NR2C2: variants seen among roughly 807,000 people sequenced by gnomAD.
The protein encoded by NR2C2 is nuclear receptor subfamily 2 group C member 2.
Under a neutral mutation model 62.9 loss-of-function variants are expected in NR2C2, and 6 were observed. The observed-to-expected ratio is 0.10, with a 90% confidence interval of 0.05 to 0.19. The LOEUF (loss-of-function observed/expected upper bound fraction) is 0.19. Among genes scored for constraint, NR2C2 ranks in the 10% least tolerant of loss-of-function variants. NR2C2 has a pLI of 1.00. For missense variants in NR2C2, 479 were observed against 762.7 expected (o/e 0.63, Z 4.38); for synonymous variants, 272 against 273.8 (o/e 0.99, Z 0.07).
chr3:15,002,000 T>A (rs1050088373), intron 1 of NR2C2, among the ~76,000 whole-genome samples: 1 of 152,174 alleles, frequency 6.6e-6, no homozygotes, highest in Non-Finnish European at 1.5e-5. Flanking sequence ...TTCTGTGGGA[T>A]TTTTTTCTAT....
At chr3:15,031,022 A>G (rs1301900715) in intron 9 of NR2C2, among the ~76,000 whole-genome samples, 1 of 152,178 alleles carries the variant, frequency 6.6e-6, no homozygotes, top group East Asian at 1.9e-4. Context: ...ATCATTACTA[A>G]GACAGGCTGA....
intron 1 of NR2C2, among the ~76,000 whole-genome samples, chr3:14,958,416 T>C (rs1265000397): frequency 6.6e-6 from 1 of 151,408 alleles, no homozygotes; most frequent in African/African-American, 2.4e-5. Flanking sequence ...CTAAACATTA[T>C]TGTGGGGGTG....
chr3:14,955,138 G>T (rs1290144119), intron 1 of NR2C2, among the ~76,000 whole-genome samples: 1 of 152,008 alleles, frequency 6.6e-6, no homozygotes, highest in African/African-American at 2.4e-5. Context: ...GCTGGTTTGT[G>T]CCCTTTTGTA....
At chr3:15,000,259 C>T (rs898887208) in intron 1 of NR2C2, among the ~76,000 whole-genome samples, 1 of 152,108 alleles carries the variant, frequency 6.6e-6, no homozygotes, top group Admixed American at 6.6e-5. Flanking sequence ...TAAGTAAGAA[C>T]ATGTGGTATT....
intron 1 of NR2C2, among the ~76,000 whole-genome samples, chr3:14,980,680 A>G (rs1231111121): frequency 2.0e-5 from 3 of 152,244 alleles, no homozygotes; most frequent in Non-Finnish European, 4.4e-5. Flanking sequence ...TTCCTAATAA[A>G]CAGAGTAAAT....
chr3:14,954,518 C>A (rs572039343), intron 1 of NR2C2, among the ~76,000 whole-genome samples: 179 of 152,232 alleles, frequency 1.2e-3, no homozygotes, highest in Non-Finnish European at 2.0e-3. Flanking sequence ...ATAAATTGGG[C>A]ATAGTCGTAC....
At chr3:14,958,298 G>A (rs1218837591) in intron 1 of NR2C2, among the ~76,000 whole-genome samples, 1 of 151,866 alleles carries the variant, frequency 6.6e-6, no homozygotes, top group Non-Finnish European at 1.5e-5. Flanking sequence ...GAGGTGGTTG[G>A]ACTTGATTAG....
chr3:14,964,127 G>A (rs1329272664), intron 1 of NR2C2, among the ~76,000 whole-genome samples: 1 of 152,102 alleles, frequency 6.6e-6, no homozygotes, highest in African/African-American at 2.4e-5. Context: ...AACAAAACCA[G>A]TTTTACCCTA....
intron 1 of NR2C2, among the ~76,000 whole-genome samples, chr3:14,978,122 T>C (rs2040260581): frequency 6.6e-6 from 1 of 152,146 alleles, no homozygotes; most frequent in South Asian, 2.1e-4. Flanking sequence ...TTTTTGTACA[T>C]GTGTAAGCCT....
Position 15,003,859 on chromosome 3 carries a change from C to G in NR2C2, c.-39-17C>G. 6.4e-7 allele frequency: 1 copy of G among 1,554,990 alleles called. No homozygotes were observed. The highest frequency in any genetic ancestry group is 8.9e-7 in the Non-Finnish European group (1 of 1,126,808). On this transcript the variant is annotated splice_polypyrimidine_tract_variant and intron_variant, in intron 1 of 13. Coordinates refer to ENST00000425241, the MANE Select transcript of NR2C2 (RefSeq NM_001291694.2). ...ATTCTGAACCCCCTTGTGATCCAGCCCACTTCTCACCCACAGGTAACACGT... is the reference window on the plus strand; with the variant it reads ...ATTCTGAACCCCCTTGTGATCCAGCGCACTTCTCACCCACAGGTAACACGT...
At chr3:15,032,875 T>C (rs2042014858) in intron 10 of NR2C2, among the ~76,000 whole-genome samples, 1 of 152,172 alleles carries the variant, frequency 6.6e-6, no homozygotes, top group South Asian at 2.1e-4. Flanking sequence ...ATCAGCTGTT[T>C]CCTCAAACAT....
chr3:15,016,185 C>T lies in NR2C2; in HGVS notation c.307C>T (p.Leu103=), dbSNP rs2041507004. Residue 103 remains leucine (L), a synonymous_variant, in exon 4 of 14, where the codon CTG becomes TTG. Coordinates refer to ENST00000425241, the MANE Select transcript of NR2C2 (RefSeq NM_001291694.2). ...GGATTCTGCCTCTGTGGAGCGTTTA[C>T]TGGGGAAGACGGACGTCCAGCGGCC... ...VTDSASVERL[L]GKTDVQRPQV... is the part of the protein sequence containing the mutation. 3 of 1,614,088 alleles carry T rather than the reference C, an allele frequency of 1.9e-6. No homozygotes were observed. Among genetic ancestry groups the T allele is most frequent in the Non-Finnish European group, 2.5e-6 (3 of 1,179,988 alleles).
intron 11 of NR2C2, among the ~76,000 whole-genome samples, chr3:15,035,294 G>C (rs77833679): frequency 0.07 from 10,657 of 152,230 alleles, 497 homozygotes; most frequent in Admixed American, 0.099. Context: ...CCATCTCAAT[G>C]AATGAATGAA....
intron 1 of NR2C2, among the ~76,000 whole-genome samples, chr3:14,965,128 C>A (rs558170326): frequency 6.6e-6 from 1 of 152,126 alleles, no homozygotes; most frequent in Non-Finnish European, 1.5e-5. Context: ...ACAGTGGCCC[C>A]GGCCTGGAAT....
chr3:14,991,444 G>T (rs1218342174), intron 1 of NR2C2, among the ~76,000 whole-genome samples: 1 of 152,122 alleles, frequency 6.6e-6, no homozygotes, highest in Non-Finnish European at 1.5e-5. Context: ...ACTAAAGGAG[G>T]GTATGTGGTA....
At chr3:14,989,249 G>A (rs1473779350) in intron 1 of NR2C2, among the ~76,000 whole-genome samples, 1 of 152,132 alleles carries the variant, frequency 6.6e-6, no homozygotes, top group African/African-American at 2.4e-5. Flanking sequence ...GGGACTTAGA[G>A]TTGAAGTCAT....
chr3:14,976,035 A>G (rs2040194154), intron 1 of NR2C2, among the ~76,000 whole-genome samples: 1 of 152,038 alleles, frequency 6.6e-6, no homozygotes, highest in South Asian at 2.1e-4. Context: ...CCACCTTCCA[A>G]AGTGCTGGGA....
intron 10 of NR2C2, 106 bp from the exon 11 acceptor site, chr3:15,034,564 C>A (rs770571382): frequency 8.6e-7 from 1 of 1,162,920 alleles, no homozygotes; most frequent in Non-Finnish European, 1.2e-6. Flanking sequence ...TAAACACTTG[C>A]TGAATTCACC....
At chr3:15,010,927 A>G (rs1026439550) in intron 2 of NR2C2, among the ~76,000 whole-genome samples, 1 of 152,180 alleles carries the variant, frequency 6.6e-6, no homozygotes, top group Non-Finnish European at 1.5e-5. Flanking sequence ...CCTGAACACA[A>G]AAGGGCAAAG....
Sources: allele counts gnomAD v4.1 joint callset (sites outside exome capture counted in the v4.1 genomes callset), GRCh38; gene constraint gnomAD v4.1.1; transcripts MANE v1.5; gene names NCBI Gene and HGNC (gene_info 2026-07-23, HGNC 2026-07-21).